The following PCDHA3 variants were observed in gnomAD, a reference collection of about 807,000 sequenced individuals.
PCDHA3 encodes the protein protocadherin alpha-3.
A neutral mutation model predicts 62.2 loss-of-function variants in PCDHA3; 41 were observed. The ratio of observed to expected loss-of-function variants is 0.66; its 90% CI spans 0.51 to 0.86. The LOEUF (loss-of-function observed/expected upper bound fraction) is 0.86. PCDHA3 is among the 40% of genes least tolerant of loss of function. PCDHA3 has a pLI of 0.00. For synonymous variants in PCDHA3, 640 were observed against 555.4 expected, an observed-to-expected ratio of 1.15 and a Z score of -2.14; for missense variants, 1,304 against 1,241.2, an observed-to-expected ratio of 1.05 and a Z score of -0.76.
chr5:140,852,292 T>C (rs1554145741), intron 1 of PCDHA3: 1 of 478,914 alleles, frequency 2.1e-6, no homozygotes, highest in African/African-American at 2.1e-5. Context: ...CTTTTTATTT[T>C]TCTGAGACGG....
At chr5:140,872,058 C>T (rs2053466493) in intron 1 of PCDHA3, among the ~76,000 whole-genome samples, 1 of 152,212 alleles carries the variant, frequency 6.6e-6, no homozygotes, top group African/African-American at 2.4e-5. Flanking sequence ...CTTCAGCCTC[C>T]AGAGTAGCTG....
chr5:140,962,061 T>C (rs1554225775), intron 1 of PCDHA3, among the ~76,000 whole-genome samples: 2 of 151,824 alleles, frequency 1.3e-5, no homozygotes, highest in Non-Finnish European at 1.5e-5. Context: ...TTTTTTTGTA[T>C]TTTTTAGTAG....
At chr5:140,871,004 G>T in intron 1 of PCDHA3, 1 of 1,613,410 alleles carries the variant, frequency 6.2e-7, no homozygotes, top group Non-Finnish European at 8.5e-7. Context: ...AGCACAACGC[G>T]TGCCCTGGAC....
At chr5:140,905,376 C>G in intron 1 of PCDHA3, among the ~76,000 whole-genome samples, 1 of 152,174 alleles carries the variant, frequency 6.6e-6, no homozygotes, top group East Asian at 1.9e-4. Context: ...GTTCTCTGTT[C>G]TGTTTCATAG....
chr5:140,937,227 C>CG lies in PCDHA3; in HGVS notation c.2395-41718dup, dbSNP rs2091422712. Among the ~76,000 whole-genome samples the CG allele has an allele frequency of 2.0e-5, 3 of 151,930 alleles. No homozygotes were observed. The South Asian group carries it at 6.2e-4, about 32-fold the overall frequency. On this transcript the variant is annotated intron_variant, in intron 1 of 3. Transcript: ENST00000522353. Reference sequence around the variant, plus strand: ...TAATTTTTTGTATTTTTTGTAGAGACGGGGTTTCACCGTGTTAGCCAGGAT... The same window carrying CG: ...TAATTTTTTGTATTTTTTGTAGAGACGGGGGTTTCACCGTGTTAGCCAGGAT...
At position 140,809,649 on chromosome 5, in the gene PCDHA3, A is replaced by G. The variant is rs550322878; in HGVS notation, c.2394+6058A>G. Reference sequence around the variant, plus strand: ...ACTTCTTCGTAAATTTATTTCTAAGAGTCAAATTTCCCTGGGTTAAAATTT... The same window carrying G: ...ACTTCTTCGTAAATTTATTTCTAAGGGTCAAATTTCCCTGGGTTAAAATTT... On this transcript the variant is annotated intron_variant, in intron 1 of 3. Coordinates refer to ENST00000522353, the MANE Select transcript of PCDHA3 (RefSeq NM_018906.3). The G allele has an allele frequency of 2.0e-6, 3 of 1,498,874 alleles. No homozygotes were observed. The Admixed American group carries it at 6.9e-5, about 34-fold the overall frequency. 92.8% of individuals were successfully genotyped at this position (1,498,874 alleles called of 1,614,324 possible).
At chr5:140,825,436 A>C (rs1327783797) in intron 1 of PCDHA3, 1 of 147,728 alleles carries the variant, frequency 6.8e-6, no homozygotes, top group Non-Finnish European at 1.5e-5. Context: ...TAAATATATA[A>C]TAATAATATA....
intron 1 of PCDHA3, among the ~76,000 whole-genome samples, chr5:140,936,658 G>A (rs1385566642): frequency 6.6e-6 from 1 of 152,174 alleles, no homozygotes; most frequent in Non-Finnish European, 1.5e-5. Context: ...TATATATTCT[G>A]TTTCTGGACT....
chr5:140,850,946 T>A (rs2150503431), intron 1 of PCDHA3: 1 of 1,504,084 alleles, frequency 6.6e-7, no homozygotes, highest in East Asian at 2.3e-5. Flanking sequence ...AAAGATATTA[T>A]CGATTACTCC....
chr5:140,823,031 T>C (rs2150064993), intron 1 of PCDHA3: 5 of 1,614,188 alleles, frequency 3.1e-6, no homozygotes, highest in South Asian at 1.1e-5. Context: ...AGCGTGTCGG[T>C]CTATGAGCTG....
At chr5:140,968,609 G>C (rs1554230915) in intron 1 of PCDHA3, 1 of 1,614,194 alleles carries the variant, frequency 6.2e-7, no homozygotes, top group Admixed American at 1.7e-5. Context: ...CTCAGACTCT[G>C]GGCAAAATGC....
At chr5:140,884,530 G>A in intron 1 of PCDHA3, 1 of 1,614,062 alleles carries the variant, frequency 6.2e-7, no homozygotes, top group South Asian at 1.1e-5. Context: ...CGCAGCAGAG[G>A]CGGCCGAGGG....
Position 140,965,675 on chromosome 5 carries a change from A to C in PCDHA3, c.2395-13274A>C, listed in dbSNP as rs1049081993. 1.3e-4 allele frequency among the ~76,000 whole-genome samples: 20 copies of C among 152,350 alleles called. No homozygotes were observed. The Middle Eastern group carries it at 0.01, about 78-fold the overall frequency. ...AAATGTCTTGGGTGATAAATGTAAA[A>C]GATTTGAAGCAAGATTAGAAAAAGC... On this transcript the variant is annotated intron_variant, in intron 1 of 3. Transcript: ENST00000522353.
chr5:140,871,665 C>G, intron 1 of PCDHA3: 1 of 1,187,684 alleles, frequency 8.4e-7, no homozygotes, highest in African/African-American at 1.5e-5. Flanking sequence ...CATCTTCAGT[C>G]TTTTAATCAT....
At chr5:140,884,820 T>A (rs1318105542) in intron 1 of PCDHA3, 2 of 1,013,184 alleles carry the variant, frequency 2.0e-6, no homozygotes, top group Non-Finnish European at 2.8e-6. Context: ...GTGGACATTA[T>A]GTGTTGGATT....
At position 140,851,655 on chromosome 5, in the gene PCDHA3, T is replaced by C. The variant is rs1554145502; in HGVS notation, c.2394+48064T>C. 3 of 911,452 alleles carry C rather than the reference T, an allele frequency of 3.3e-6. No individual in the cohort carries two copies. In the African/African-American group the frequency reaches 5.4e-5, roughly 16 times the overall value. 56.5% of individuals were successfully genotyped at this position (911,452 alleles called of 1,614,324 possible). ...GTGTTTCCTTTCTTCAAGAAGACAT[T>C]CTCCTTTTAATTGAAATTTTCTCCA... On this transcript the variant is annotated intron_variant, in intron 1 of 3. Transcript: ENST00000522353.
chr5:140,927,640 A>G (rs2084459027), intron 1 of PCDHA3: 8 of 1,614,138 alleles, frequency 5.0e-6, no homozygotes, highest in Non-Finnish European at 6.8e-6. Flanking sequence ...ACCCAATGGG[A>G]CTGTGTTATT....
intron 1 of PCDHA3, among the ~76,000 whole-genome samples, chr5:140,937,615 T>TCAAAAAAAAAAAAAAAAAAAAAAAAA (rs1472779704): frequency 4.0e-5 from 6 of 149,436 alleles, no homozygotes; most frequent in African/African-American, 1.5e-4. Flanking sequence ...ATACTCCATC[T>TCAAAAAAAAAAAAAAAAAAAAAAAAA]AAAAAGAAAA....
intron 1 of PCDHA3, 78 bp from the exon 2 acceptor site, chr5:140,978,871 T>G: frequency 6.2e-7 from 1 of 1,606,510 alleles, no homozygotes; most frequent in Non-Finnish European, 8.5e-7. Context: ...TTTAAGGGAG[T>G]AACTAATCAA....
Sources: gnomAD v4.1 joint callset for allele counts (sites outside exome capture counted in the v4.1 genomes callset) on GRCh38, gnomAD v4.1.1 for gene constraint, MANE v1.5 for transcripts, NCBI Gene and HGNC (gene_info 2026-07-23, HGNC 2026-07-21) for gene names.